C10orf67: variants seen among roughly 807,000 people sequenced by gnomAD.
C10orf67 encodes the protein uncharacterized protein C10orf67, mitochondrial.
A neutral mutation model predicts 35.6 loss-of-function variants in C10orf67; 60 were observed. That is an observed-to-expected ratio of 1.68 (90% CI 1.37 to 2.09). The LOEUF is 2.09. C10orf67 is among the 30% of genes most tolerant of loss of function. The pLI, the probability that C10orf67 is intolerant of heterozygous loss-of-function variation, is 0.00. For synonymous variants in C10orf67, 167 were observed against 115.8 expected (o/e 1.44, Z -2.84); for missense variants, 474 against 330.2 (o/e 1.44, Z -3.38).
chr10:23,269,103 A>T (rs752107559), intron 8 of C10orf67, among the ~76,000 whole-genome samples: 3 of 152,212 alleles, frequency 2.0e-5, no homozygotes, highest in Non-Finnish European at 4.4e-5. Context: ...CATCCCTCAG[A>T]TAGAACCTGT....
At chr10:23,320,573 A>C (rs1844907721) in intron 4 of C10orf67, among the ~76,000 whole-genome samples, 168 bp downstream of exon 4, 1 of 152,186 alleles carries the variant, frequency 6.6e-6, no homozygotes, top group Non-Finnish European at 1.5e-5. Flanking sequence ...TTATAATGTG[A>C]GCATAAACAG....
At chr10:23,298,968 G>T (rs1041706127) in intron 5 of C10orf67, among the ~76,000 whole-genome samples, 1 of 152,212 alleles carries the variant, frequency 6.6e-6, no homozygotes, top group African/African-American at 2.4e-5. Context: ...GGGTAAAACA[G>T]TCCAGGTGAG....
At chr10:23,218,705 T>C (rs1841499698) in intron 15 of C10orf67, among the ~76,000 whole-genome samples, 1 of 152,178 alleles carries the variant, frequency 6.6e-6, no homozygotes, top group Non-Finnish European at 1.5e-5. Flanking sequence ...CGTAATACAT[T>C]ATATTTAATA....
chr10:23,328,993 C>CAAAAAAAAAAA (rs57772405), intron 2 of C10orf67, among the ~76,000 whole-genome samples: 130 of 78,716 alleles, frequency 1.7e-3, no homozygotes, highest in Non-Finnish European at 2.0e-3. Flanking sequence ...CATAAACGAA[C>CAAAAAAAAAAA]AAAAAAAAAA....
chr10:23,250,582 T>G (rs1842421100), intron 11 of C10orf67, 30 bp downstream of exon 11: 1 of 398,566 alleles, frequency 2.5e-6, no homozygotes, highest in Non-Finnish European at 4.4e-6. Context: ...TATATCTCAT[T>G]ACCAGTGCCT....
intron 7 of C10orf67, among the ~76,000 whole-genome samples, chr10:23,287,710 C>T (rs902589464): frequency 1.3e-5 from 2 of 152,078 alleles, no homozygotes; most frequent in African/African-American, 4.8e-5. Context: ...AAAATCTTTG[C>T]AATCTACCCA....
At chr10:23,222,680 T>G (rs1281384165) in intron 15 of C10orf67, among the ~76,000 whole-genome samples, 2 of 152,178 alleles carry the variant, frequency 1.3e-5, no homozygotes, top group African/African-American at 4.8e-5. Context: ...GCCAGCTAAA[T>G]TCATTAATCC....
At position 23,344,355 on chromosome 10, in the gene C10orf67, G is replaced by T. The variant is rs1271786739; in HGVS notation, c.206+214C>A. ...ACGCGCGGGAGGAGGGGAGTGGAGA[G>T]GGGGAGGAGGAGGCGGGGCGGGCTC... On this transcript the variant is annotated intron_variant, in intron 1 of 15. Coordinates refer to ENST00000636213, the MANE Select transcript of C10orf67 (RefSeq NM_001371909.1). The T allele has an allele frequency of 1.0e-5, 6 of 594,414 alleles. No homozygotes were observed. In the East Asian group the frequency reaches 1.7e-4, roughly 17 times the overall value. The allele number at this position is 594,414 out of a possible 1,614,324, so 36.8% of individuals were successfully genotyped here. A position where few individuals can be genotyped will look rare whatever the true frequency, so the allele number is the denominator to read the frequency against.
intron 13 of C10orf67, among the ~76,000 whole-genome samples, chr10:23,236,744 G>T (rs1362675851): frequency 1.3e-5 from 2 of 151,994 alleles, no homozygotes; most frequent in Non-Finnish European, 2.9e-5. Flanking sequence ...AGGCTTGGTG[G>T]TGCATGCCTG....
At chr10:23,206,520 C>T (rs185856885) in intron 15 of C10orf67, among the ~76,000 whole-genome samples, 1 of 152,204 alleles carries the variant, frequency 6.6e-6, no homozygotes, top group South Asian at 2.1e-4. Flanking sequence ...ACAATGCTGC[C>T]CTGGAGATGA....
chr10:23,221,943 G>A (rs183610942), intron 15 of C10orf67, among the ~76,000 whole-genome samples: 76 of 152,256 alleles, frequency 5.0e-4, no homozygotes, highest in African/African-American at 1.6e-3. Flanking sequence ...GATTGAATAC[G>A]AGGAAATTTC....
At chr10:23,263,089 C>G (rs1340087597) in intron 10 of C10orf67, among the ~76,000 whole-genome samples, 1 of 152,180 alleles carries the variant, frequency 6.6e-6, no homozygotes, top group Non-Finnish European at 1.5e-5. Flanking sequence ...CTCTGTATTA[C>G]TACATTGCCT....
intron 4 of C10orf67, among the ~76,000 whole-genome samples, chr10:23,313,511 T>C (rs1482287179): frequency 6.6e-6 from 1 of 152,222 alleles, no homozygotes; most frequent in Non-Finnish European, 1.5e-5. Context: ...CCACGCAGTC[T>C]GCTGGGAGAA....
chr10:23,247,029 C>A (rs1233623711), intron 12 of C10orf67, among the ~76,000 whole-genome samples: 1 of 151,948 alleles, frequency 6.6e-6, no homozygotes, highest in Non-Finnish European at 1.5e-5. Flanking sequence ...GTGTTTAAAG[C>A]TGTGTTATTA....
At chr10:23,208,088 A>T (rs1564453474) in intron 15 of C10orf67, among the ~76,000 whole-genome samples, 1 of 152,328 alleles carries the variant, frequency 6.6e-6, no homozygotes, top group Admixed American at 6.5e-5. Context: ...CTCTAAAAGG[A>T]TTTTCATTCG....
At chr10:23,281,974 G>C in intron 8 of C10orf67, 39 bp downstream of exon 8, 1 of 548,810 alleles carries the variant, frequency 1.8e-6, no homozygotes, top group Non-Finnish European at 3.3e-6. Context: ...TTAAATTCCT[G>C]AATTCAAATT....
intron 2 of C10orf67, among the ~76,000 whole-genome samples, chr10:23,325,089 C>G (rs1337060228): frequency 6.6e-6 from 1 of 152,154 alleles, no homozygotes; most frequent in Non-Finnish European, 1.5e-5. Context: ...GTAATCCCAG[C>G]ACTTTGGGAG....
At chr10:23,218,628 G>A (rs1167951182) in intron 15 of C10orf67, among the ~76,000 whole-genome samples, 1 of 152,076 alleles carries the variant, frequency 6.6e-6, no homozygotes, top group Admixed American at 6.5e-5. Flanking sequence ...TTGAATAATA[G>A]GTAACTGATG....
chr10:23,250,844 T>C (rs1318600163), intron 10 of C10orf67, among the ~76,000 whole-genome samples, 153 bp from the exon 11 acceptor site: 1 of 152,076 alleles, frequency 6.6e-6, no homozygotes, highest in Non-Finnish European at 1.5e-5. Context: ...ACGCCTGTAA[T>C]CCCAACATTT....
Sources: allele counts gnomAD v4.1 joint callset (sites outside exome capture counted in the v4.1 genomes callset), GRCh38; gene constraint gnomAD v4.1.1; transcripts MANE v1.5; gene names NCBI Gene and HGNC (gene_info 2026-07-23, HGNC 2026-07-21).